The following PIK3CB variants were observed in gnomAD, a reference collection of about 807,000 sequenced individuals.
PIK3CB encodes phosphatidylinositol 4,5-bisphosphate 3-kinase catalytic subunit beta isoform.
Under a neutral mutation model 136.8 loss-of-function variants are expected in PIK3CB, and 39 were observed. That is an observed-to-expected ratio of 0.29 (90% CI 0.22 to 0.37). PIK3CB has a LOEUF of 0.37. Among genes scored for constraint, PIK3CB ranks in the 10% least tolerant of loss-of-function variants. PIK3CB has a pLI of 1.00. For missense variants in PIK3CB, 868 were observed against 1,275.4 expected (o/e 0.68, Z 4.87); for synonymous variants, 428 against 436.6 (o/e 0.98, Z 0.25).
intron 12 of PIK3CB, among the ~76,000 whole-genome samples, chr3:138,700,696 T>TAGATAGATAGATAGAC (rs1235924442): frequency 6.0e-3 from 41 of 6,886 alleles, no homozygotes; most frequent in African/African-American, 0.017. Flanking sequence ...TCTAAAAAGA[T>TAGATAGATAGATAGAC]AGATAGATAG....
chr3:138,790,813 C>CA lies in PIK3CB; in HGVS notation c.-17+5649dup, dbSNP rs1166123184. Among the ~76,000 whole-genome samples, 535 of 70,654 alleles carry CA rather than the reference C, an allele frequency of 7.6e-3. 1 individual carries two copies. Among genetic ancestry groups the CA allele is most frequent in the Middle Eastern group, 0.043 (4 of 94 alleles). 46.4% of individuals were successfully genotyped at this position (70,654 alleles called of 152,430 possible). A position where few individuals can be genotyped will look rare whatever the true frequency, so the allele number is the denominator to read the frequency against. Reference sequence around the variant, plus strand: ...TAGGTGACGGAGTGAGACTCCTTCTCAAAAAAAAAAAAAAAAGAAAAAACC... The same window carrying CA: ...TAGGTGACGGAGTGAGACTCCTTCTCAAAAAAAAAAAAAAAAAGAAAAAACC... On this transcript the variant is annotated intron_variant, in intron 2 of 23. Coordinates refer to ENST00000674063, the MANE Select transcript of PIK3CB (RefSeq NM_006219.3).
Position 138,759,180 on chromosome 3 carries a change from A to G in PIK3CB, c.164T>C (p.Ile55Thr). ...TTATACCTATTAACATACCTGCTTAATATAAGAAATGGTAGCTTCCCGAGG... is the reference window on the plus strand; with the variant it reads ...TTATACCTATTAACATACCTGCTTAGTATAAGAAATGGTAGCTTCCCGAGG... Reference protein sequence around the residue: ...EVPREATISYIKQMLWKQVHN... With the variant: ...EVPREATISYTKQMLWKQVHN... Residue 55 changes from isoleucine (I) to threonine (T), a missense_variant, in exon 3 of 24, where the codon ATT becomes ACT. Ile to Thr is a moderately conservative substitution (Grantham distance 89). Around this residue, in one of 4 missense-constraint regions of PIK3CB, gnomAD observed 612 missense variants for 801.1 expected, o/e 0.76. Coordinates refer to ENST00000674063, the MANE Select transcript of PIK3CB (RefSeq NM_006219.3). 1 of 1,606,144 alleles carries G rather than the reference A, an allele frequency of 6.2e-7. No homozygotes were observed. Among genetic ancestry groups the G allele is most frequent in the Non-Finnish European group, 8.5e-7 (1 of 1,173,770 alleles).
rs954622318 is a variant in PIK3CB at position 138,804,866 on chromosome 3, T to C, written c.-121-8299A>G. 1.4e-4 allele frequency among the ~76,000 whole-genome samples: 21 copies of C among 151,444 alleles called. 1 individual carries two copies. The highest frequency in any genetic ancestry group is 6.2e-4 in the South Asian group (3 of 4,814). ...GGTGAAACCCCGTCTCTACTAAAAA[T>C]ACAAAAAAATTAGCTGGGCGTGGTG... On this transcript the variant is annotated intron_variant, in intron 1 of 23. Transcript: ENST00000674063.
intron 2 of PIK3CB, among the ~76,000 whole-genome samples, chr3:138,760,175 G>A (rs2045643466): frequency 6.6e-6 from 1 of 152,062 alleles, no homozygotes; most frequent in Non-Finnish European, 1.5e-5. Flanking sequence ...CGCCCGCCTT[G>A]GCCTCCCAAA....
intron 2 of PIK3CB, among the ~76,000 whole-genome samples, chr3:138,764,618 A>T (rs1484323351): frequency 1.3e-5 from 2 of 152,114 alleles, no homozygotes; most frequent in Non-Finnish European, 2.9e-5. Flanking sequence ...TATGAGAATG[A>T]ATTCATGATT....
chr3:138,759,402 A>T, intron 2 of PIK3CB, 43 bp from the exon 3 acceptor site: 1 of 1,358,836 alleles, frequency 7.4e-7, no homozygotes, highest in Non-Finnish European at 1.0e-6. Flanking sequence ...ACCATCAGCC[A>T]AATTTTATAC....
Position 138,764,602 on chromosome 3 carries a change from T to C in PIK3CB, c.-16-5243A>G, listed in dbSNP as rs75149229. 4.9e-3 allele frequency among the ~76,000 whole-genome samples: 742 copies of C among 152,248 alleles called. 36 individuals are homozygous for C. In the East Asian group the frequency reaches 0.11, roughly 22 times the overall value. The stretch of plus-strand genomic sequence containing the variant: ...CAACAAAGCAAGACTAATTTAAAAA[T>C]TGAATTATGAGAATGAATTCATGAT... On this transcript the variant is annotated intron_variant, in intron 2 of 23. Coordinates refer to ENST00000674063, the MANE Select transcript of PIK3CB (RefSeq NM_006219.3).
In PIK3CB at chr3:138,742,611, C is replaced by T. The variant is rs760268621; in HGVS notation, c.568G>A (p.Asp190Asn). ...ATGAGCTTTCCCCCATAAAGTTTAT[C>T]TTCTAAGTTTTCAGGGATGGATGGT... ...HEPSIPENLEDKLYGGKLIVA... is the reference protein window; with the variant it reads ...HEPSIPENLENKLYGGKLIVA... The change falls in exon 5 of 24, where the codon GAT (aspartate) becomes AAT (asparagine). Residue 190 changes from aspartate to asparagine, a missense_variant. By Grantham distance (23) the Asp-to-Asn change is conservative. Coordinates refer to ENST00000674063, the MANE Select transcript of PIK3CB (RefSeq NM_006219.3). 1.9e-6 allele frequency: 3 copies of T among 1,608,552 alleles called. No homozygotes were observed. The highest frequency in any genetic ancestry group is 2.6e-6 in the Non-Finnish European group (3 of 1,175,612).
intron 1 of PIK3CB, among the ~76,000 whole-genome samples, chr3:138,798,883 G>A (rs182547083): frequency 6.6e-6 from 1 of 151,938 alleles, no homozygotes; most frequent in East Asian, 1.9e-4. Flanking sequence ...CTCGGGGTCC[G>A]GGTCAACTTT....
intron 14 of PIK3CB, among the ~76,000 whole-genome samples, chr3:138,692,740 C>G (rs911220517): frequency 6.6e-6 from 1 of 152,092 alleles, no homozygotes; most frequent in African/African-American, 2.4e-5. Flanking sequence ...TCATAGTATC[C>G]ACACTATTTT....
At chr3:138,753,295 C>T (rs1471225431) in intron 4 of PIK3CB, among the ~76,000 whole-genome samples, 8 of 151,934 alleles carry the variant, frequency 5.3e-5, no homozygotes, top group South Asian at 4.2e-4. Flanking sequence ...CCGAGGCAGG[C>T]GGATCATCTG....
At chr3:138,813,929 G>A (rs926379426) in intron 1 of PIK3CB, among the ~76,000 whole-genome samples, 28 of 152,120 alleles carry the variant, frequency 1.8e-4, no homozygotes, top group African/African-American at 6.5e-4. Flanking sequence ...ATGGTTTGAA[G>A]GAGGAATACA....
At position 138,796,492 on chromosome 3, in the gene PIK3CB, T is replaced by C. The variant is rs2046110812; in HGVS notation, c.-46A>G. On this transcript the variant is annotated 5_prime_UTR_variant, in exon 2 of 24. Transcript: ENST00000674063. Reference sequence around the variant, plus strand: ...GAATGGTCGCCCCCATTTCAGTCTTTTAGGAAAACAGATGGCATTACTTAT... The same window carrying C: ...GAATGGTCGCCCCCATTTCAGTCTTCTAGGAAAACAGATGGCATTACTTAT... 6.6e-6 allele frequency: 1 copy of C among 152,108 alleles called. No homozygotes were observed. The highest frequency in any genetic ancestry group is 2.4e-5 in the African/African-American group (1 of 41,416). 9.4% of individuals were successfully genotyped at this position (152,108 alleles called of 1,614,324 possible). A position where few individuals can be genotyped will look rare whatever the true frequency, so the allele number is the denominator to read the frequency against.
At chr3:138,747,278 T>C (rs2045380488) in intron 4 of PIK3CB, among the ~76,000 whole-genome samples, 1 of 151,314 alleles carries the variant, frequency 6.6e-6, no homozygotes, top group Admixed American at 6.6e-5. Context: ...TAGCATTTTG[T>C]ATGGGTCCCA....
chr3:138,727,356 A>G (rs147996115), intron 8 of PIK3CB, among the ~76,000 whole-genome samples: 7 of 152,340 alleles, frequency 4.6e-5, no homozygotes, highest in African/African-American at 1.7e-4. Context: ...TATTTGTTGA[A>G]CCCTTAAAAG....
chr3:138,804,061 C>T (rs2046204510), intron 1 of PIK3CB, among the ~76,000 whole-genome samples: 2 of 152,086 alleles, frequency 1.3e-5, no homozygotes, highest in Admixed American at 1.3e-4. Flanking sequence ...CAGTGGCTCA[C>T]ACTTATAATC....
intron 19 of PIK3CB, among the ~76,000 whole-genome samples, chr3:138,678,864 G>A (rs540105276): frequency 3.7e-4 from 57 of 152,036 alleles, no homozygotes; most frequent in African/African-American, 1.3e-3. Context: ...CCAGTAGTTC[G>A]AGACCAGCCT....
At chr3:138,826,083 C>A in intron 1 of PIK3CB, 1 of 1,084,366 alleles carries the variant, frequency 9.2e-7, no homozygotes, top group South Asian at 1.3e-5. Flanking sequence ...AAAGATTGAT[C>A]ACCATTCTAG....
chr3:138,817,376 C>A (rs1313968300), intron 1 of PIK3CB, among the ~76,000 whole-genome samples: 1 of 151,852 alleles, frequency 6.6e-6, no homozygotes, highest in Admixed American at 6.6e-5. Flanking sequence ...ATTAGCCGGG[C>A]CTGGTGGCGC....
Sources: allele counts gnomAD v4.1 joint callset (sites outside exome capture counted in the v4.1 genomes callset), GRCh38; gene constraint gnomAD v4.1.1; regional missense constraint gnomAD v4.1.1; transcripts MANE v1.5; gene names NCBI Gene and HGNC (gene_info 2026-07-23, HGNC 2026-07-21).